Variants in RBFOX1 observed in about 807,000 individuals in gnomAD.
RBFOX1 encodes RNA binding protein fox-1 homolog 1.
In RBFOX1, 8 loss-of-function variants were observed where a neutral mutation model predicts 57.7. The observed-to-expected ratio is 0.14, with a 90% CI of 0.08 to 0.25. The LOEUF is 0.25. RBFOX1 is among the 10% of genes least tolerant of loss of function. The probability of loss-of-function intolerance (pLI) is 1.00; values close to 1 mark genes in which losing one functional copy is unlikely to be tolerated. For synonymous variants in RBFOX1, 326 were observed against 222.4 expected (o/e 1.47, Z -4.15); for missense variants, 611 against 548.5 (o/e 1.11, Z -1.14).
chr16:7,143,729 A>G (rs1338765896), intron 4 of RBFOX1, among the ~76,000 whole-genome samples: 5 of 151,968 alleles, frequency 3.3e-5, no homozygotes, highest in African/African-American at 9.7e-5. Context: ...TCATACATTC[A>G]TCCATGGGTT....
At chr16:5,714,565 C>A (rs372328884) in intron 3 of RBFOX1, among the ~76,000 whole-genome samples, 1 of 152,156 alleles carries the variant, frequency 6.6e-6, no homozygotes, top group Non-Finnish European at 1.5e-5. Flanking sequence ...CCCTTACAAT[C>A]GAATGTCACT....
intron 1 of RBFOX1, among the ~76,000 whole-genome samples, chr16:6,269,963 TA>T (rs1427002002): frequency 6.6e-6 from 1 of 152,038 alleles, no homozygotes; most frequent in Non-Finnish European, 1.5e-5. Flanking sequence ...GAAGGGAACA[TA>T]AAGGGAGTTA....
At chr16:6,552,766 A>G (rs2153882031) in intron 2 of RBFOX1, among the ~76,000 whole-genome samples, 1 of 152,226 alleles carries the variant, frequency 6.6e-6, no homozygotes, top group East Asian at 1.9e-4. Context: ...AAATGTACAC[A>G]CATATAAATA....
intron 3 of RBFOX1, among the ~76,000 whole-genome samples, chr16:5,676,816 T>G (rs2050182292): frequency 6.6e-6 from 1 of 152,032 alleles, no homozygotes; most frequent in Admixed American, 6.6e-5. Flanking sequence ...GATCCGAGAT[T>G]GTACCACTGT....
At chr16:7,533,444 C>G (rs1471912475) in intron 5 of RBFOX1, among the ~76,000 whole-genome samples, 2 of 152,112 alleles carry the variant, frequency 1.3e-5, no homozygotes, top group African/African-American at 4.8e-5. Flanking sequence ...AAATTGAGAC[C>G]TATGTCACTG....
At chr16:7,225,247 A>G (rs1454194807) in intron 4 of RBFOX1, among the ~76,000 whole-genome samples, 1 of 152,052 alleles carries the variant, frequency 6.6e-6, no homozygotes, top group East Asian at 1.9e-4. Context: ...TCCCCACCCA[A>G]ATCTCATCTT....
intron 3 of RBFOX1, among the ~76,000 whole-genome samples, chr16:6,891,860 C>CTA: frequency 6.6e-6 from 1 of 152,304 alleles, no homozygotes; most frequent in Non-Finnish European, 1.5e-5. Flanking sequence ...ACTTAGTGGA[C>CTA]AGCAAGGCCA....
chr16:6,543,627 C>T (rs1035344956), intron 2 of RBFOX1, among the ~76,000 whole-genome samples: 27 of 152,156 alleles, frequency 1.8e-4, no homozygotes, highest in Admixed American at 9.8e-4. Context: ...GATGCCCTCC[C>T]GGTCTGGAAG....
chr16:7,251,599 T>A (rs891324199), intron 4 of RBFOX1, among the ~76,000 whole-genome samples: 5 of 152,054 alleles, frequency 3.3e-5, no homozygotes, highest in Non-Finnish European at 4.4e-5. Flanking sequence ...TTTGTATTTT[T>A]AGTGGAGACG....
intron 2 of RBFOX1, among the ~76,000 whole-genome samples, chr16:5,536,228 CTTTTTTT>C (rs57061495): frequency 0.34 from 34,921 of 102,476 alleles, 5,629 homozygotes; most frequent in East Asian, 0.82. Context: ...AATCTCCTGT[CTTTTTTT>C]TTTTTTTTTT....
At chr16:5,599,199 A>G in exon 3 of RBFOX1, 2 of 702,734 alleles carry the variant, frequency 2.8e-6, no homozygotes, top group Non-Finnish European at 2.6e-6. Flanking sequence ...CTGTCCTCTA[A>G]AAAAGACCAG....
At chr16:7,251,697 G>C (rs2094505201) in intron 4 of RBFOX1, among the ~76,000 whole-genome samples, 2 of 152,142 alleles carry the variant, frequency 1.3e-5, no homozygotes, top group Admixed American at 1.3e-4. Context: ...TGGGATTACA[G>C]GCATGAGCCA....
intron 4 of RBFOX1, among the ~76,000 whole-genome samples, chr16:7,077,942 C>T (rs892887996): frequency 6.6e-6 from 1 of 152,076 alleles, no homozygotes; most frequent in Non-Finnish European, 1.5e-5. Flanking sequence ...CTCATTAGGC[C>T]AAACAGAGAG....
intron 3 of RBFOX1, among the ~76,000 whole-genome samples, chr16:6,775,485 A>T (rs966729471): frequency 5.9e-5 from 9 of 152,146 alleles, no homozygotes; most frequent in Admixed American, 1.3e-4. Flanking sequence ...AGGTGATAAG[A>T]TTAAAAATGA....
intron 3 of RBFOX1, among the ~76,000 whole-genome samples, chr16:6,868,978 CTG>C (rs947781509): frequency 7.9e-5 from 12 of 152,192 alleles, no homozygotes; most frequent in Non-Finnish European, 1.2e-4. Context: ...GAGAAACCGT[CTG>C]TCAGCTCATG....
chr16:6,951,569 C>G (rs140528391), intron 3 of RBFOX1, among the ~76,000 whole-genome samples: 13 of 152,028 alleles, frequency 8.6e-5, no homozygotes, highest in Admixed American at 1.3e-4. Flanking sequence ...TAAGATCTCT[C>G]TTTCTCTCCT....
intron 3 of RBFOX1, among the ~76,000 whole-genome samples, chr16:5,706,969 A>C (rs960492159): frequency 1.3e-5 from 2 of 152,138 alleles, no homozygotes; most frequent in Non-Finnish European, 2.9e-5. Flanking sequence ...CAGGGAGAAG[A>C]AGCCAAGCGT....
At chr16:6,499,554 G>A (rs1054413105) in intron 2 of RBFOX1, among the ~76,000 whole-genome samples, 4 of 152,044 alleles carry the variant, frequency 2.6e-5, no homozygotes, top group Admixed American at 1.3e-4. Context: ...AGCATCTCCC[G>A]TGTGAGCCAT....
At chr16:5,792,170 C>G (rs4349145) in intron 3 of RBFOX1, among the ~76,000 whole-genome samples, 40,063 of 152,132 alleles carry the variant, frequency 0.26, 5,682 homozygotes, top group East Asian at 0.54. Context: ...AAAAGAGAAC[C>G]TGGGACAAGG....
Sources: gnomAD v4.1 joint callset for allele counts (sites outside exome capture counted in the v4.1 genomes callset) on GRCh38, gnomAD v4.1.1 for gene constraint, MANE v1.5 for transcripts, NCBI Gene and HGNC (gene_info 2026-07-23, HGNC 2026-07-21) for gene names.